Variants in DPP4 observed in about 807,000 individuals in gnomAD.
DPP4 encodes dipeptidyl peptidase 4, also known as ADCP-2.
DPP4 carries 93 observed loss-of-function variants against 122.4 expected under a neutral mutation model. That is an observed-to-expected ratio of 0.76 (90% CI 0.64 to 0.90). DPP4 has a LOEUF of 0.90. DPP4 is among the 40% of genes least tolerant of loss of function. The pLI is 0.00. For missense variants in DPP4, 914 were observed against 907.3 expected, an observed-to-expected ratio of 1.01 and a Z score of -0.09; for synonymous variants, 321 against 302.9, an observed-to-expected ratio of 1.06 and a Z score of -0.62.
chr2:162,062,347 C>T (rs1684804835), intron 2 of DPP4, among the ~76,000 whole-genome samples: 1 of 152,074 alleles, frequency 6.6e-6, no homozygotes, highest in Admixed American at 6.6e-5. Flanking sequence ...TTTTCTATTG[C>T]TATGTAACAA....
intron 2 of DPP4, among the ~76,000 whole-genome samples, chr2:162,062,156 C>T (rs190228811): frequency 1.5e-3 from 224 of 151,908 alleles, no homozygotes; most frequent in African/African-American, 5.2e-3. Context: ...GTGGTGCACA[C>T]CTATAGTGCC....
rs574209503 is a variant in DPP4, at chr2:162,036,156, G to A, written c.614-832C>T. On this transcript the variant is annotated intron_variant, in intron 8 of 25. Coordinates refer to ENST00000360534, the MANE Select transcript of DPP4 (RefSeq NM_001935.4). The stretch of plus-strand genomic sequence containing the variant: ...AATGGAGGAATTAAGTGGACTGGGT[G>A]GAGACGCCTAGATATTCCACAAGTC... 7.2e-5 allele frequency among the ~76,000 whole-genome samples: 11 copies of A among 152,264 alleles called. No individual in the cohort carries two copies. In the South Asian group the frequency reaches 8.3e-4, roughly 11 times the overall value.
At chr2:161,998,072 C>A (rs1253827721) in intron 23 of DPP4, among the ~76,000 whole-genome samples, 1 of 152,206 alleles carries the variant, frequency 6.6e-6, no homozygotes, top group Admixed American at 6.5e-5. Flanking sequence ...TCAGACTGCA[C>A]TAATCAGAAG....
chr2:162,043,487 G>T (rs1357680551), intron 5 of DPP4, among the ~76,000 whole-genome samples: 1 of 152,284 alleles, frequency 6.6e-6, no homozygotes, highest in East Asian at 1.9e-4. Context: ...TTAAATACAC[G>T]GGTAAACTCC....
At chr2:162,044,435 TGTTGGTGTGTGAGC>T (rs1559720137) in intron 5 of DPP4, among the ~76,000 whole-genome samples, 2 of 149,696 alleles carry the variant, frequency 1.3e-5, no homozygotes, top group African/African-American at 2.4e-5. Context: ...GGTGGGTGAG[TGTTGGTGTGTGAGC>T]GTTGGTGTGT....
At chr2:162,033,467 A>G in intron 10 of DPP4, 74 bp downstream of exon 10, 1 of 1,134,238 alleles carries the variant, frequency 8.8e-7, no homozygotes, top group East Asian at 2.5e-5. Flanking sequence ...CCACTTTGCC[A>G]TTCACTTTTG....
intron 23 of DPP4, among the ~76,000 whole-genome samples, chr2:161,996,406 A>G (rs188986897): frequency 3.9e-5 from 6 of 152,310 alleles, no homozygotes; most frequent in Admixed American, 6.5e-5. Context: ...CAACTTTATG[A>G]AAGCCAAGGT....
intron 5 of DPP4, 37 bp from the exon 6 acceptor site, chr2:162,039,221 A>G (rs760026717): frequency 1.2e-6 from 2 of 1,602,752 alleles, no homozygotes; most frequent in South Asian, 2.2e-5. Context: ...CTTCTGTGAT[A>G]CTTGATAATT....
Position 162,020,489 on chromosome 2 carries a change from T to C in DPP4, c.1176+92A>G, listed in dbSNP as rs1326001745. The C allele has an allele frequency of 3.7e-6, 4 of 1,085,186 alleles. No individual in the cohort carries two copies. The African/African-American group carries it at 4.8e-5, about 13-fold the overall frequency. The allele number at this position is 1,085,186 out of a possible 1,614,324, so 67.2% of individuals were successfully genotyped here. Reference sequence around the variant, plus strand: ...TAAATTAATCTGATTTTTATACACATTGATCCACCTTACCAAATGATTTCC... The same window carrying C: ...TAAATTAATCTGATTTTTATACACACTGATCCACCTTACCAAATGATTTCC... On this transcript the variant is annotated intron_variant, in intron 13 of 25. Transcript: ENST00000360534.
chr2:162,013,669 G>A (rs929538436), intron 19 of DPP4, among the ~76,000 whole-genome samples: 7 of 151,858 alleles, frequency 4.6e-5, no homozygotes, highest in African/African-American at 2.4e-5. Flanking sequence ...CCTGGCATTC[G>A]GCAGGTCCCT....
At chr2:162,058,613 A>G (rs947970103) in intron 2 of DPP4, among the ~76,000 whole-genome samples, 16 of 152,202 alleles carry the variant, frequency 1.1e-4, no homozygotes, top group Non-Finnish European at 1.8e-4. Context: ...TAACGAAAGT[A>G]TTTTTAAGTG....
At chr2:161,999,917 A>T (rs966580629) in intron 23 of DPP4, among the ~76,000 whole-genome samples, 7 of 152,156 alleles carry the variant, frequency 4.6e-5, no homozygotes, top group Non-Finnish European at 8.8e-5. Context: ...TGATTATCCC[A>T]TTATCCAGAT....
chr2:162,063,010 C>A (rs1684833623), intron 2 of DPP4, among the ~76,000 whole-genome samples: 1 of 150,796 alleles, frequency 6.6e-6, no homozygotes, highest in African/African-American at 2.4e-5. Context: ...GAGATGTTGG[C>A]AATAATTTAG....
At chr2:162,062,056 G>A (rs555545663) in intron 2 of DPP4, among the ~76,000 whole-genome samples, 7 of 151,498 alleles carry the variant, frequency 4.6e-5, no homozygotes, top group Non-Finnish European at 8.8e-5. Context: ...ATCACCTGAG[G>A]TCAGGAGTAT....
intron 9 of DPP4, among the ~76,000 whole-genome samples, chr2:162,034,289 A>G (rs1036327945): frequency 4.6e-5 from 7 of 152,198 alleles, no homozygotes. Flanking sequence ...ATTTTTAGTG[A>G]GAACACTTTA....
intron 23 of DPP4, among the ~76,000 whole-genome samples, chr2:162,002,123 C>T (rs1427277532): frequency 6.6e-6 from 1 of 152,170 alleles, no homozygotes; most frequent in African/African-American, 2.4e-5. Flanking sequence ...TTTGACACAG[C>T]CCTGGAGGTG....
chr2:162,072,671 C>T (rs1407824341), intron 2 of DPP4, among the ~76,000 whole-genome samples: 5 of 152,180 alleles, frequency 3.3e-5, no homozygotes, highest in Admixed American at 6.5e-5. Context: ...TAGTAGTTCT[C>T]ACTTGCTTGC....
chr2:162,073,375 C>G, intron 2 of DPP4, 24 bp downstream of exon 2: 1 of 1,613,156 alleles, frequency 6.2e-7, no homozygotes, highest in Non-Finnish European at 8.5e-7. Flanking sequence ...ACTGTCCTAT[C>G]TTTTTCAAAT....
intron 3 of DPP4, 51 bp downstream of exon 3, chr2:162,047,352 A>G: frequency 9.2e-7 from 1 of 1,082,846 alleles, no homozygotes; most frequent in South Asian, 1.7e-5. Context: ...ATCTCGACTT[A>G]ACTAGAATGA....
Sources: allele counts gnomAD v4.1 joint callset (sites outside exome capture counted in the v4.1 genomes callset), GRCh38; gene constraint gnomAD v4.1.1; transcripts MANE v1.5; gene names NCBI Gene and HGNC (gene_info 2026-07-23, HGNC 2026-07-21).